Variants in KCND2 observed in about 807,000 individuals in gnomAD.
KCND2 encodes the protein A-type voltage-gated potassium channel KCND2.
A neutral mutation model predicts 54.4 loss-of-function variants in KCND2; 16 were observed. That is an observed-to-expected ratio of 0.29 (90% CI 0.20 to 0.45). KCND2 has a LOEUF of 0.45. KCND2 is among the 20% of genes least tolerant of loss of function. KCND2 has a pLI of 1.00. For missense variants in KCND2, 486 were observed against 824.2 expected, an observed-to-expected ratio of 0.59 and a Z score of 5.02; for synonymous variants, 317 against 310.7, an observed-to-expected ratio of 1.02 and a Z score of -0.21.
chr7:120,491,864 G>C (rs372260522), intron 1 of KCND2, among the ~76,000 whole-genome samples: 6 of 132,154 alleles, frequency 4.5e-5, no homozygotes, highest in African/African-American at 2.6e-4. Flanking sequence ...ATTGTGGTTT[G>C]TTATGTTTTA....
intron 1 of KCND2, among the ~76,000 whole-genome samples, chr7:120,435,422 A>G (rs1801852326): frequency 6.6e-6 from 1 of 151,882 alleles, no homozygotes; most frequent in Non-Finnish European, 1.5e-5. Flanking sequence ...GCCATAAGCA[A>G]TAAATTTTAG....
At chr7:120,367,258 G>A (rs890590765) in intron 1 of KCND2, among the ~76,000 whole-genome samples, 3 of 152,060 alleles carry the variant, frequency 2.0e-5, no homozygotes, top group African/African-American at 7.2e-5. Flanking sequence ...ATTATTTTCT[G>A]TGGTTTTAAG....
intron 1 of KCND2, among the ~76,000 whole-genome samples, chr7:120,348,062 G>A (rs745540754): frequency 5.3e-5 from 8 of 152,072 alleles, no homozygotes; most frequent in Non-Finnish European, 8.8e-5. Flanking sequence ...CCCAGAGACT[G>A]CACCATCTAA....
chr7:120,601,026 AAT>A (rs1792807197), intron 1 of KCND2, among the ~76,000 whole-genome samples: 1 of 152,112 alleles, frequency 6.6e-6, no homozygotes, highest in African/African-American at 2.4e-5. Context: ...TGAGTCAGAT[AAT>A]ATGTTTTAAT....
chr7:120,541,680 G>A (rs1791981208), intron 1 of KCND2, among the ~76,000 whole-genome samples: 1 of 151,936 alleles, frequency 6.6e-6, no homozygotes, highest in African/African-American at 2.4e-5. Flanking sequence ...CTGCATGTCT[G>A]GAAGCACCAG....
intron 1 of KCND2, among the ~76,000 whole-genome samples, chr7:120,548,430 A>G (rs375893953): frequency 6.6e-6 from 1 of 152,112 alleles, no homozygotes; most frequent in Non-Finnish European, 1.5e-5. Flanking sequence ...TGTCAATTCT[A>G]TGCAGAATGA....
intron 1 of KCND2, among the ~76,000 whole-genome samples, chr7:120,455,697 G>T (rs1459513547): frequency 6.6e-6 from 1 of 152,178 alleles, no homozygotes; most frequent in Non-Finnish European, 1.5e-5. Flanking sequence ...CATGGATGGA[G>T]TTGGAGGTCA....
chr7:120,308,284 G>A (rs1322473408), intron 1 of KCND2, among the ~76,000 whole-genome samples: 1 of 151,912 alleles, frequency 6.6e-6, no homozygotes, highest in African/African-American at 2.4e-5. Context: ...TCACTGTATG[G>A]CTCCTATAAA....
intron 1 of KCND2, among the ~76,000 whole-genome samples, chr7:120,644,666 A>G (rs143688583): frequency 1.3e-3 from 201 of 152,350 alleles, no homozygotes; most frequent in African/African-American, 4.5e-3. Flanking sequence ...CAAAACGTCA[A>G]TTAAGAATTT....
At chr7:120,467,481 C>A (rs950894378) in intron 1 of KCND2, among the ~76,000 whole-genome samples, 2 of 152,056 alleles carry the variant, frequency 1.3e-5, no homozygotes, top group Non-Finnish European at 2.9e-5. Context: ...ATCAGGTGTT[C>A]TTTAAATGCA....
At position 120,749,672 on chromosome 7, in the gene KCND2, A is replaced by G. The variant is rs1369520283; in HGVS notation, c.*1814A>G. 1 of 152,376 alleles carries G rather than the reference A, an allele frequency of 6.6e-6. No homozygotes were observed. The highest frequency in any genetic ancestry group is 2.4e-5 in the African/African-American group (1 of 41,448). The allele number at this position is 152,376 out of a possible 1,614,324, so 9.4% of individuals were successfully genotyped here. On this transcript the variant is annotated 3_prime_UTR_variant, in exon 6 of 6. Transcript: ENST00000331113. ...GCTATGCACATATTAGATCTTAATA[A>G]ACATTTGCTGAGTGAAAGTAAGATA...
At chr7:120,429,515 G>GA (rs1361597195) in intron 1 of KCND2, among the ~76,000 whole-genome samples, 1 of 145,648 alleles carries the variant, frequency 6.9e-6, no homozygotes, top group African/African-American at 2.5e-5. Flanking sequence ...GTGGGGCAGG[G>GA]AGAGGGGGTT....
chr7:120,470,963 A>G (rs1455770376), intron 1 of KCND2, among the ~76,000 whole-genome samples: 1 of 152,058 alleles, frequency 6.6e-6, no homozygotes, highest in Non-Finnish European at 1.5e-5. Context: ...TTTTAACTCA[A>G]GAAAAAAATG....
chr7:120,633,409 A>G (rs1793263027), intron 1 of KCND2, among the ~76,000 whole-genome samples: 1 of 152,224 alleles, frequency 6.6e-6, no homozygotes, highest in Non-Finnish European at 1.5e-5. Context: ...ATTTGTAAAT[A>G]TGGAAACCAA....
chr7:120,582,175 C>G (rs577807911), intron 1 of KCND2, among the ~76,000 whole-genome samples: 19 of 152,264 alleles, frequency 1.2e-4, no homozygotes, highest in African/African-American at 4.1e-4. Flanking sequence ...TGTGGTCACT[C>G]TGAGCCCCAG....
intron 1 of KCND2, among the ~76,000 whole-genome samples, chr7:120,654,878 G>T (rs2189976): frequency 6.6e-6 from 1 of 151,816 alleles, no homozygotes; most frequent in Non-Finnish European, 1.5e-5. Context: ...TAAATAAGCT[G>T]TCCCTAAAAG....
chr7:120,746,170 A>G, intron 5 of KCND2, 143 bp downstream of exon 5: 1 of 910,506 alleles, frequency 1.1e-6, no homozygotes, highest in South Asian at 1.4e-5. Flanking sequence ...CGTAACAAGT[A>G]GGAAAATGGT....
chr7:120,673,497 C>G (rs1251655631), intron 1 of KCND2, among the ~76,000 whole-genome samples: 17 of 152,006 alleles, frequency 1.1e-4, no homozygotes, highest in Admixed American at 1.1e-3. Context: ...TTTTTTCATC[C>G]ACCAATGTTA....
At chr7:120,738,045 C>T (rs991920390) in intron 2 of KCND2, among the ~76,000 whole-genome samples, 1 of 150,816 alleles carries the variant, frequency 6.6e-6, no homozygotes, top group African/African-American at 2.5e-5. Context: ...ACAACATAAA[C>T]TATAAAGTTT....
Sources: allele counts gnomAD v4.1 joint callset (sites outside exome capture counted in the v4.1 genomes callset), GRCh38; gene constraint gnomAD v4.1.1; transcripts MANE v1.5; gene names NCBI Gene and HGNC (gene_info 2026-07-23, HGNC 2026-07-21).